Variants in CDH13 observed in about 807,000 individuals in gnomAD.
The protein encoded by CDH13 is cadherin 13.
A neutral mutation model predicts 63.8 loss-of-function variants in CDH13; 24 were observed. The ratio of observed to expected loss-of-function variants is 0.38; its 90% CI spans 0.27 to 0.53. The LOEUF is 0.53. CDH13 is among the 20% of genes least tolerant of loss of function. The pLI, the probability that CDH13 is intolerant of heterozygous loss-of-function variation, is 0.85. For synonymous variants in CDH13, 503 were observed against 355.3 expected (o/e 1.42, Z -4.67); for missense variants, 1,049 against 903.1 (o/e 1.16, Z -2.07).
rs1904275644 is a variant in CDH13 at position 83,795,156 on chromosome 16, G to T, written c.*126G>T. 3 of 725,782 alleles carry T rather than the reference G, an allele frequency of 4.1e-6. No homozygotes were observed. Among genetic ancestry groups the T allele is most frequent in the Admixed American group, 2.8e-5 (1 of 35,234 alleles). 45.0% of individuals were successfully genotyped at this position (725,782 alleles called of 1,614,324 possible). On this transcript the variant is annotated 3_prime_UTR_variant, in exon 14 of 14. Transcript: ENST00000567109. ...TCACAACTAGGCCTCAATTGTTCCG[G>T]TTTTTTATTTTCTTTACAATTTCAC...
intron 7 of CDH13, among the ~76,000 whole-genome samples, chr16:83,551,132 T>G (rs1204446517): frequency 1.3e-5 from 2 of 151,656 alleles, no homozygotes; most frequent in African/African-American, 2.4e-5. Context: ...TCCAGGCTGG[T>G]GTACAGTGGC....
chr16:83,774,193 G>A (rs1049846848), intron 11 of CDH13, among the ~76,000 whole-genome samples: 6 of 152,116 alleles, frequency 3.9e-5, no homozygotes, highest in Admixed American at 2.0e-4. Flanking sequence ...TGGTCCCAGC[G>A]CCTATCCTGC....
At chr16:82,691,745 A>G (rs957011924) in intron 1 of CDH13, among the ~76,000 whole-genome samples, 2 of 152,168 alleles carry the variant, frequency 1.3e-5, no homozygotes, top group African/African-American at 2.4e-5. Flanking sequence ...GAAGGGAGAA[A>G]TCAGGAAAGA....
intron 5 of CDH13, among the ~76,000 whole-genome samples, chr16:83,244,442 A>G (rs1904782275): frequency 6.6e-6 from 1 of 152,178 alleles, no homozygotes; most frequent in South Asian, 2.1e-4. Context: ...TCTATTATGT[A>G]TAGATGCCAT....
At chr16:83,069,016 G>A (rs1158218587) in intron 3 of CDH13, among the ~76,000 whole-genome samples, 1 of 152,162 alleles carries the variant, frequency 6.6e-6, no homozygotes, top group Admixed American at 6.5e-5. Context: ...TCAGTTGTCT[G>A]GATATCCCAG....
At chr16:83,113,542 G>C (rs1027847159) in intron 3 of CDH13, among the ~76,000 whole-genome samples, 2 of 152,272 alleles carry the variant, frequency 1.3e-5, no homozygotes, top group Admixed American at 6.5e-5. Flanking sequence ...CCCTTACGGA[G>C]CTGGGAGCCT....
At chr16:83,343,912 C>G (rs762188430) in intron 5 of CDH13, among the ~76,000 whole-genome samples, 5 of 152,156 alleles carry the variant, frequency 3.3e-5, no homozygotes, top group Non-Finnish European at 7.3e-5. Flanking sequence ...CTAAAGTAAG[C>G]ACTGGATAAG....
At chr16:83,274,596 C>T (rs11149551) in intron 5 of CDH13, among the ~76,000 whole-genome samples, 79,699 of 151,960 alleles carry the variant, frequency 0.52, 21,260 homozygotes, top group East Asian at 0.71. Context: ...CCAGAGAAAC[C>T]CCCACATGCA....
intron 2 of CDH13, among the ~76,000 whole-genome samples, chr16:83,027,101 G>GCC (rs1386342125): frequency 5.9e-4 from 70 of 118,596 alleles, no homozygotes; most frequent in Non-Finnish European, 8.6e-4. Flanking sequence ...ACAGAAGGGA[G>GCC]ACCCCCCCCC....
intron 3 of CDH13, among the ~76,000 whole-genome samples, chr16:83,081,786 C>A (rs200712899): frequency 2.8e-4 from 42 of 152,142 alleles, no homozygotes; most frequent in African/African-American, 9.9e-4. Flanking sequence ...ACCCTCATGA[C>A]CTCATCTAAA....
At chr16:83,378,209 A>T (rs569014207) in intron 6 of CDH13, among the ~76,000 whole-genome samples, 7 of 152,304 alleles carry the variant, frequency 4.6e-5, no homozygotes, top group African/African-American at 1.7e-4. Context: ...TGAAACAACT[A>T]TTGATATAGA....
At position 83,799,012 on chromosome 16, in the gene CDH13, T is replaced by C. The variant is rs1904298567; in HGVS notation, c.*3982T>C. 6.6e-6 allele frequency: 1 copy of C among 152,032 alleles called. No homozygotes were observed. The highest frequency in any genetic ancestry group is 2.4e-5 in the African/African-American group (1 of 41,400). 9.4% of individuals were successfully genotyped at this position (152,032 alleles called of 1,614,324 possible). The stretch of plus-strand genomic sequence containing the variant: ...GGGCTTCTCCTAGATTAATTTAACA[T>C]CTCAGTTAATCAAAAGTAGCCGGGC... On this transcript the variant is annotated 3_prime_UTR_variant, in exon 14 of 14. Coordinates refer to ENST00000567109, the MANE Select transcript of CDH13 (RefSeq NM_001257.5).
At chr16:83,219,804 T>G (rs976106225) in intron 5 of CDH13, among the ~76,000 whole-genome samples, 3 of 152,224 alleles carry the variant, frequency 2.0e-5, no homozygotes, top group African/African-American at 7.2e-5. Context: ...TTCAAGGTGT[T>G]CGGAGGATAC....
At chr16:82,812,927 T>G (rs1332267201) in intron 1 of CDH13, among the ~76,000 whole-genome samples, 4 of 152,008 alleles carry the variant, frequency 2.6e-5, no homozygotes, top group Non-Finnish European at 5.9e-5. Context: ...AAGGGATTTA[T>G]GATGGCATAA....
At chr16:83,032,279 T>G in intron 3 of CDH13, 61 bp downstream of exon 3, 2 of 1,287,024 alleles carry the variant, frequency 1.6e-6, no homozygotes, top group South Asian at 2.6e-5. Flanking sequence ...GTCTGTCTTA[T>G]GTGGAAAATG....
chr16:83,490,303 T>G (rs759480173), intron 7 of CDH13, among the ~76,000 whole-genome samples: 3 of 152,206 alleles, frequency 2.0e-5, no homozygotes, highest in African/African-American at 7.2e-5. Flanking sequence ...TGGCAGGCAC[T>G]GGGAATTTTC....
chr16:83,268,397 G>T (rs2088690004), intron 5 of CDH13, among the ~76,000 whole-genome samples: 1 of 152,144 alleles, frequency 6.6e-6, no homozygotes, highest in African/African-American at 2.4e-5. Context: ...GTTGGCTCAA[G>T]CATTTCAGGG....
chr16:83,563,280 G>A (rs572421483), intron 7 of CDH13, among the ~76,000 whole-genome samples: 1 of 152,324 alleles, frequency 6.6e-6, no homozygotes, highest in African/African-American at 2.4e-5. Flanking sequence ...TTAACTCGGA[G>A]TGAATGGCTA....
At chr16:83,013,749 G>C (rs1486334878) in intron 2 of CDH13, among the ~76,000 whole-genome samples, 1 of 152,182 alleles carries the variant, frequency 6.6e-6, no homozygotes, top group African/African-American at 2.4e-5. Context: ...AGTGGCTACT[G>C]TTTGTCAAGC....
Sources: gnomAD v4.1 joint callset for allele counts (sites outside exome capture counted in the v4.1 genomes callset) on GRCh38, gnomAD v4.1.1 for gene constraint, MANE v1.5 for transcripts, NCBI Gene and HGNC (gene_info 2026-07-23, HGNC 2026-07-21) for gene names.